Variants in DEDD2 observed in about 807,000 individuals in gnomAD.
The protein encoded by DEDD2 is DNA-binding death effector domain-containing protein 2.
In DEDD2, 18 loss-of-function variants were observed where a neutral mutation model predicts 28.9. That is an observed-to-expected ratio of 0.62 (90% confidence interval 0.43 to 0.92). DEDD2 has a LOEUF of 0.92. Among genes scored for constraint, DEDD2 ranks in the 40% least tolerant of loss-of-function variants. The probability of loss-of-function intolerance (pLI) is 0.00; values close to 1 mark genes in which losing one functional copy is unlikely to be tolerated. For missense variants in DEDD2, 411 were observed against 463.3 expected, an observed-to-expected ratio of 0.89 and a Z score of 1.04; for synonymous variants, 211 against 206.1, an observed-to-expected ratio of 1.02 and a Z score of -0.20.
In DEDD2 at chr19:42,216,676, G is replaced by T; in HGVS notation, c.328+4C>A. The T allele has an allele frequency of 6.4e-7, 1 of 1,561,916 alleles. No individual in the cohort carries two copies. The highest frequency in any genetic ancestry group is 8.6e-7 in the Non-Finnish European group (1 of 1,160,106). On this transcript the variant is annotated splice_donor_region_variant and intron_variant, in intron 2 of 4. Coordinates refer to ENST00000596251, the MANE Select transcript of DEDD2 (RefSeq NM_133328.4). ...AAGTGTGACACCCTCCCATTCAACC[G>T]TACCTGGCCGGCGCCGCTTGCGCGC...
In DEDD2 at chr19:42,215,258, G is replaced by A. The variant is rs776439101; in HGVS notation, c.329-6C>T. On this transcript the variant is annotated splice_polypyrimidine_tract_variant and splice_region_variant and intron_variant, in intron 2 of 4. Coordinates refer to ENST00000596251, the MANE Select transcript of DEDD2 (RefSeq NM_133328.4). ...GCTATAGCGTTCTGGAGACACTGGAGGAAGAGAAGAACAGGAAGAAGCATT... is the reference window on the plus strand; with the variant it reads ...GCTATAGCGTTCTGGAGACACTGGAAGAAGAGAAGAACAGGAAGAAGCATT... 26 of 1,613,772 alleles carry A rather than the reference G, an allele frequency of 1.6e-5. 1 individual carries two copies. In the South Asian group the frequency reaches 2.9e-4, roughly 18 times the overall value.
chr19:42,203,704 C>G (rs2035420365), intron 4 of DEDD2, among the ~76,000 whole-genome samples: 1 of 152,200 alleles, frequency 6.6e-6, no homozygotes, highest in Non-Finnish European at 1.5e-5. Flanking sequence ...GAGGGGAGGC[C>G]AGGAAGGCCA....
intron 1 of DEDD2, 50 bp from the exon 2 acceptor site, chr19:42,217,095 C>T (rs2036009446): frequency 7.4e-7 from 1 of 1,349,768 alleles, no homozygotes; most frequent in Non-Finnish European, 1.0e-6. Flanking sequence ...CGCGGAGGCC[C>T]GAACCCCACA....
upstream of DEDD2, among the ~76,000 whole-genome samples, chr19:42,219,616 A>T (rs1336519835): frequency 1.3e-5 from 2 of 151,970 alleles, no homozygotes; most frequent in Non-Finnish European, 2.9e-5. Flanking sequence ...AAACAAACAA[A>T]CCCTCCAAGA....
Position 42,216,979 on chromosome 19 carries a change from G to C in DEDD2, c.29C>G (p.Pro10Arg), listed in dbSNP as rs777384697. The C allele has an allele frequency of 1.9e-5, 30 of 1,597,494 alleles. No individual in the cohort carries two copies. The highest frequency in any genetic ancestry group is 4.0e-5 in the African/African-American group (3 of 74,322). MALSGSTPAPCWEEDECLDY... is the reference protein window; with the variant it reads MALSGSTPARCWEEDECLDY... Reference sequence around the variant, plus strand: ...CAGGCACTCATCCTCCTCCCAGCACGGGGCCGGGGTCGACCCGGATAGCGC... The same window carrying C: ...CAGGCACTCATCCTCCTCCCAGCACCGGGCCGGGGTCGACCCGGATAGCGC... Residue 10 changes from proline (P) to arginine (R), a missense_variant, in exon 2 of 5, where the codon CCG becomes CGG. Coordinates refer to ENST00000596251, the MANE Select transcript of DEDD2 (RefSeq NM_133328.4).
chr19:42,201,215 GGTCATTTAACCTCCTAT>G, intron 4 of DEDD2, among the ~76,000 whole-genome samples: 1 of 152,192 alleles, frequency 6.6e-6, no homozygotes, highest in Non-Finnish European at 1.5e-5. Flanking sequence ...GCCTGACAGA[GGTCATTTAACCTCCTAT>G]GTCCCTGAGA....
intron 4 of DEDD2, chr19:42,204,336 T>C (rs2035444577): frequency 6.6e-6 from 1 of 152,252 alleles, no homozygotes; most frequent in Non-Finnish European, 1.5e-5. Context: ...TGGAACCTCA[T>C]GGAAGGTGTT....
At chr19:42,200,453 A>G (rs1334828266) in intron 4 of DEDD2, among the ~76,000 whole-genome samples, 1 of 152,246 alleles carries the variant, frequency 6.6e-6, no homozygotes, top group Admixed American at 6.5e-5. Context: ...CCTGCCCCCA[A>G]ACAATGAGAT....
At chr19:42,208,836 A>G (rs1336698172) in intron 4 of DEDD2, among the ~76,000 whole-genome samples, 3 of 152,262 alleles carry the variant, frequency 2.0e-5, no homozygotes, top group East Asian at 1.9e-4. Flanking sequence ...ACCCTCGTAC[A>G]GCGTGTGCCG....
At chr19:42,201,729 G>A (rs1264180203) in intron 4 of DEDD2, 1 of 352,336 alleles carries the variant, frequency 2.8e-6, no homozygotes, top group Non-Finnish European at 5.1e-6. Flanking sequence ...CTGGCTCTAG[G>A]GGAACCCCAT....
At position 42,199,857 on chromosome 19, in the gene DEDD2, G is replaced by C; in HGVS notation, c.590-28C>G. ...GCAGGGGAAGGAGGGATTTGTCAGG[G>C]AGGGGGCCAACACTAGACACACTTA... On this transcript the variant is annotated intron_variant, in intron 4 of 4. Transcript: ENST00000596251. This position sits in a 1 kb window ranked among gnomAD's most constrained non-coding sequence, Gnocchi z 7.4. 1 of 1,560,452 alleles carries C rather than the reference G, an allele frequency of 6.4e-7. No homozygotes were observed. The highest frequency in any genetic ancestry group is 8.7e-7 in the Non-Finnish European group (1 of 1,151,752).
In DEDD2 at chr19:42,202,018, C is replaced by T. The variant is rs146832952; in HGVS notation, c.590-2189G>A. ...AGGTGAGTCCCAGCTCTGCCACTCT[C>T]TAAGCTGTGGGGCCTTGGGCATGTG... On this transcript the variant is annotated intron_variant, in intron 4 of 4. Coordinates refer to ENST00000596251, the MANE Select transcript of DEDD2 (RefSeq NM_133328.4). The T allele has an allele frequency of 7.4e-3, 2,966 of 398,818 alleles. 18 individuals are homozygous for T. Among genetic ancestry groups the T allele is most frequent in the Non-Finnish European group, 9.0e-3 (2,041 of 226,190 alleles). 24.7% of individuals were successfully genotyped at this position (398,818 alleles called of 1,614,324 possible).
chr19:42,218,545 C>T (rs955557605), upstream of DEDD2, among the ~76,000 whole-genome samples: 1 of 152,156 alleles, frequency 6.6e-6, no homozygotes, highest in Non-Finnish European at 1.5e-5. Flanking sequence ...GTCCCCTTAC[C>T]GCGGGGCCTT....
At chr19:42,217,472 T>C (rs1462772075) in intron 1 of DEDD2, 160 bp downstream of exon 1, 1 of 200,284 alleles carries the variant, frequency 5.0e-6, no homozygotes, top group South Asian at 7.0e-5. Flanking sequence ...CTCTGCCCCC[T>C]ACACAGAGGA....
intron 3 of DEDD2, among the ~76,000 whole-genome samples, chr19:42,214,771 C>G (rs572612123): frequency 6.6e-6 from 1 of 151,888 alleles, no homozygotes; most frequent in Admixed American, 6.6e-5. Context: ...TTGAAAAAGC[C>G]AAACAGAAAA....
chr19:42,211,400 A>AAAGG (rs961818242), intron 3 of DEDD2, among the ~76,000 whole-genome samples: 10 of 140,788 alleles, frequency 7.1e-5, no homozygotes, highest in African/African-American at 2.1e-4. Flanking sequence ...AGGGAGAAGA[A>AAAGG]AAGGAAGGAA....
At chr19:42,201,770 C>G in intron 4 of DEDD2, 1 of 382,724 alleles carries the variant, frequency 2.6e-6, no homozygotes, top group Middle Eastern at 6.6e-4. Context: ...GGAAGCCTGC[C>G]CAGCCTCAGC....
chr19:42,212,264 G>A (rs1234950570), intron 3 of DEDD2, among the ~76,000 whole-genome samples: 2 of 151,938 alleles, frequency 1.3e-5, no homozygotes, highest in Non-Finnish European at 2.9e-5. Flanking sequence ...TACTCAGGAG[G>A]CTGAGGCAGG....
rs779489123 is a variant in DEDD2 at position 42,199,412 on chromosome 19, G to A, written c.*26C>T. 12 of 1,552,164 alleles carry A rather than the reference G, an allele frequency of 7.7e-6. No homozygotes were observed. The highest frequency in any genetic ancestry group is 2.7e-5 in the African/African-American group (2 of 72,916). ...GAGAAGGTGGCCCGGAGACTTGGAG[G>A]TGGGATCAATCCTGCCAGTCCTGGA... On this transcript the variant is annotated 3_prime_UTR_variant, in exon 5 of 5. Coordinates refer to ENST00000596251, the MANE Select transcript of DEDD2 (RefSeq NM_133328.4). The surrounding 1 kb of genome is among the most constrained non-coding windows in gnomAD (Gnocchi z 7.4).
Sources: gnomAD v4.1 joint callset for allele counts (sites outside exome capture counted in the v4.1 genomes callset) on GRCh38, gnomAD v4.1.1 for gene constraint, Gnocchi (gnomAD v3.1) non-coding constraint, MANE v1.5 for transcripts, NCBI Gene and HGNC (gene_info 2026-07-23, HGNC 2026-07-21) for gene names.